RBFOX1: variants seen among roughly 807,000 people sequenced by gnomAD.
RBFOX1 encodes RNA binding fox-1 homolog 1, also known as RNA binding protein fox-1 homolog 1.
Under a neutral mutation model 57.7 loss-of-function variants are expected in RBFOX1, and 8 were observed. That is an observed-to-expected ratio of 0.14 (90% CI 0.08 to 0.25). The LOEUF (loss-of-function observed/expected upper bound fraction) is 0.25. Among genes scored for constraint, RBFOX1 ranks in the 10% least tolerant of loss-of-function variants. RBFOX1 has a pLI of 1.00. For synonymous variants in RBFOX1, 326 were observed against 222.4 expected, an observed-to-expected ratio of 1.47 and a Z score of -4.15; for missense variants, 611 against 548.5, an observed-to-expected ratio of 1.11 and a Z score of -1.14.
chr16:6,857,861 C>A (rs1232765899), intron 3 of RBFOX1, among the ~76,000 whole-genome samples: 4 of 152,174 alleles, frequency 2.6e-5, no homozygotes, highest in Admixed American at 2.6e-4. Flanking sequence ...TGCTCAGTTA[C>A]CATTTAGCAA....
chr16:6,066,032 A>C (rs1191067959), intron 1 of RBFOX1, among the ~76,000 whole-genome samples: 1 of 152,206 alleles, frequency 6.6e-6, no homozygotes, highest in African/African-American at 2.4e-5. Flanking sequence ...ATAATTGCTC[A>C]TGCCTGTAAT....
intron 3 of RBFOX1, among the ~76,000 whole-genome samples, chr16:6,976,088 C>T (rs866792154): frequency 1.3e-5 from 2 of 152,172 alleles, no homozygotes; most frequent in Admixed American, 6.5e-5. Context: ...GATCGTCCCA[C>T]TGCAGTTCAG....
chr16:6,936,956 G>T (rs989824486), intron 3 of RBFOX1, among the ~76,000 whole-genome samples: 1 of 105,388 alleles, frequency 9.5e-6, no homozygotes, highest in Non-Finnish European at 1.8e-5. Context: ...GTGGGGGGAG[G>T]GGGGAGGGAT....
At chr16:7,378,489 T>C (rs1429399772) in intron 4 of RBFOX1, among the ~76,000 whole-genome samples, 4 of 152,088 alleles carry the variant, frequency 2.6e-5, no homozygotes, top group African/African-American at 9.7e-5. Context: ...CTGGTACTTG[T>C]GTAACATTTC....
chr16:5,814,547 C>G (rs1227519382), intron 3 of RBFOX1, among the ~76,000 whole-genome samples: 2 of 152,204 alleles, frequency 1.3e-5, no homozygotes, highest in African/African-American at 2.4e-5. Flanking sequence ...TCAGAGGCCA[C>G]ACAACTTGCC....
rs8046037 is a variant in RBFOX1 at position 7,444,420 on chromosome 16, A to C, written c.28-73727A>C. Among the ~76,000 whole-genome samples the C allele has an allele frequency of 0.03, 4,566 of 152,230 alleles. 356 individuals are homozygous for C. In the East Asian group the frequency reaches 0.31, roughly 10 times the overall value. ...GGGATGTCAATGGCAGTATGGGGAA[A>C]AGAGAACAGAGTTGAAGACTGAACA... On this transcript the variant is annotated intron_variant, in intron 4 of 15. Coordinates refer to ENST00000550418, the MANE Select transcript of RBFOX1 (RefSeq NM_018723.4).
intron 1 of RBFOX1, among the ~76,000 whole-genome samples, chr16:6,161,258 G>T (rs749689144): frequency 6.6e-6 from 1 of 152,018 alleles, no homozygotes; most frequent in African/African-American, 2.4e-5. Flanking sequence ...GCATGGTGGT[G>T]CACGCCTGTA....
chr16:5,271,529 T>C lies in RBFOX1; in HGVS notation c.219+31424T>C, dbSNP rs141350336. Among the ~76,000 whole-genome samples the C allele has an allele frequency of 1.3e-3, 194 of 152,366 alleles. 2 individuals carry two copies. In the East Asian group the frequency reaches 0.034, roughly 27 times the overall value. On this transcript the variant is annotated intron_variant, in intron 1 of 2. Transcript: ENST00000585867. ...CTGTGAGCCTTTCTGTCCTGAGATG[T>C]AGAGGTCATGGCGACGCAGGTTCAA...
intron 1 of RBFOX1, among the ~76,000 whole-genome samples, chr16:6,068,505 C>G (rs2095795679): frequency 6.6e-6 from 1 of 152,008 alleles, no homozygotes. Context: ...TGGGGTTAAA[C>G]AAGTTTTATT....
intron 4 of RBFOX1, among the ~76,000 whole-genome samples, chr16:7,480,809 A>C (rs975699602): frequency 6.6e-6 from 1 of 151,992 alleles, no homozygotes; most frequent in Non-Finnish European, 1.5e-5. Context: ...CTTGGCACTT[A>C]TGGAGGAAGC....
intron 14 of RBFOX1, among the ~76,000 whole-genome samples, chr16:7,706,644 C>CA (rs2082541346): frequency 6.6e-6 from 1 of 152,166 alleles, no homozygotes; most frequent in African/African-American, 2.4e-5. Context: ...GCCATAACAT[C>CA]ACTTAACAAA....
At chr16:7,338,690 C>T (rs933514738) in intron 4 of RBFOX1, among the ~76,000 whole-genome samples, 1 of 152,120 alleles carries the variant, frequency 6.6e-6, no homozygotes, top group African/African-American at 2.4e-5. Context: ...ATCTACATAC[C>T]TATATGTAGT....
chr16:6,916,663 C>T (rs2073239210), intron 3 of RBFOX1, among the ~76,000 whole-genome samples: 1 of 152,036 alleles, frequency 6.6e-6, no homozygotes, highest in Non-Finnish European at 1.5e-5. Context: ...CACGACCTTC[C>T]CAGGTCGTCC....
intron 1 of RBFOX1, among the ~76,000 whole-genome samples, chr16:6,251,900 C>T (rs750188583): frequency 1.5e-4 from 23 of 152,034 alleles, no homozygotes; most frequent in Non-Finnish European, 2.1e-4. Context: ...ACTTACAAGG[C>T]GGCTGTCTGC....
chr16:7,490,092 A>C (rs1166060750), intron 4 of RBFOX1, among the ~76,000 whole-genome samples: 1 of 152,112 alleles, frequency 6.6e-6, no homozygotes, highest in Non-Finnish European at 1.5e-5. Context: ...CATTTAGTGA[A>C]CATCTTTGCC....
intron 3 of RBFOX1, among the ~76,000 whole-genome samples, chr16:5,684,155 A>G (rs2050431476): frequency 6.6e-6 from 1 of 152,190 alleles, no homozygotes; most frequent in African/African-American, 2.4e-5. Context: ...AGGCCATCTC[A>G]TCCTATATCT....
At chr16:5,440,118 A>G (rs553973107) in intron 1 of RBFOX1, among the ~76,000 whole-genome samples, 11 of 152,360 alleles carry the variant, frequency 7.2e-5, no homozygotes, top group South Asian at 6.2e-4. Flanking sequence ...AAGGTTGACT[A>G]TATCAGTGGG....
chr16:7,486,009 C>A (rs781204995), intron 4 of RBFOX1, among the ~76,000 whole-genome samples: 2 of 152,086 alleles, frequency 1.3e-5, no homozygotes, highest in Non-Finnish European at 2.9e-5. Flanking sequence ...AAAGTGTTTC[C>A]TGTCTGGCTC....
At chr16:6,718,304 C>T (rs540339939) in intron 3 of RBFOX1, among the ~76,000 whole-genome samples, 7 of 152,302 alleles carry the variant, frequency 4.6e-5, no homozygotes, top group East Asian at 1.9e-4. Flanking sequence ...ATGGAACAGA[C>T]GTGCCCTTGT....
Sources: allele counts gnomAD v4.1 joint callset (sites outside exome capture counted in the v4.1 genomes callset), GRCh38; gene constraint gnomAD v4.1.1; transcripts MANE v1.5; gene names NCBI Gene and HGNC (gene_info 2026-07-23, HGNC 2026-07-21).